The following SMG6 variants were observed in gnomAD, a reference collection of about 807,000 sequenced individuals.
The protein encoded by SMG6 is telomerase-binding protein EST1A.
A neutral mutation model predicts 142.2 loss-of-function variants in SMG6; 66 were observed. That is an observed-to-expected ratio of 0.46 (90% CI 0.38 to 0.57). The LOEUF is 0.57. Among genes scored for constraint, SMG6 ranks in the 20% least tolerant of loss-of-function variants. The pLI, the probability that SMG6 is intolerant of heterozygous loss-of-function variation, is 0.00. For missense variants in SMG6, 1,793 were observed against 1,832.0 expected (o/e 0.98, Z 0.39); for synonymous variants, 779 against 702.4 (o/e 1.11, Z -1.72).
chr17:2,207,117 C>CAAAA lies in SMG6; in HGVS notation c.2870-18606_2870-18603dup, dbSNP rs34276256. 2.9e-4 allele frequency among the ~76,000 whole-genome samples: 23 copies of CAAAA among 79,782 alleles called. 2 individuals carry two copies. The highest frequency in any genetic ancestry group is 2.9e-3 in the South Asian group (5 of 1,738). 52.3% of individuals were successfully genotyped at this position (79,782 alleles called of 152,430 possible). ...TGAAATCTTGTCTCTACTAAAAATCCAAAAAAAAAAAAAAAAAAAAAAATA... is the reference window on the plus strand; with the variant it reads ...TGAAATCTTGTCTCTACTAAAAATCCAAAAAAAAAAAAAAAAAAAAAAAAAAATA... On this transcript the variant is annotated intron_variant, in intron 10 of 18. Coordinates refer to ENST00000263073, the MANE Select transcript of SMG6 (RefSeq NM_017575.5).
intron 13 of SMG6, among the ~76,000 whole-genome samples, chr17:2,100,694 C>T (rs904688169): frequency 6.6e-6 from 1 of 152,110 alleles, no homozygotes; most frequent in Non-Finnish European, 1.5e-5. Flanking sequence ...CAGGCGCACA[C>T]CATCACATCC....
chr17:2,302,950 C>T lies in SMG6; in HGVS notation c.88+683G>A, dbSNP rs536633809. On this transcript the variant is annotated intron_variant, in intron 1 of 18. Transcript: ENST00000263073. Reference sequence around the variant, plus strand: ...AACCTAGAGAAGGCACCTATCACAGCTACCATTCTACACAACTCTATTGCC... The same window carrying T: ...AACCTAGAGAAGGCACCTATCACAGTTACCATTCTACACAACTCTATTGCC... 4.0e-4 allele frequency: 393 copies of T among 985,052 alleles called. 1 individual carries two copies. In the Middle Eastern group the frequency reaches 5.7e-3, roughly 14 times the overall value. The allele number at this position is 985,052 out of a possible 1,614,324, so 61.0% of individuals were successfully genotyped here. A position where few individuals can be genotyped will look rare whatever the true frequency, so the allele number is the denominator to read the frequency against.
At chr17:2,100,902 T>A (rs1055943037) in intron 13 of SMG6, among the ~76,000 whole-genome samples, 2 of 152,038 alleles carry the variant, frequency 1.3e-5, no homozygotes, top group Non-Finnish European at 2.9e-5. Context: ...TCCCCCTGCT[T>A]CAGCCTCCCA....
At chr17:2,262,290 G>C (rs9652824) in intron 8 of SMG6, among the ~76,000 whole-genome samples, 4,235 of 152,346 alleles carry the variant, frequency 0.028, 82 homozygotes, top group South Asian at 0.072. Context: ...TTTAGAGTGA[G>C]TCAACCTTTG....
intron 18 of SMG6, chr17:2,062,370 A>C (rs2067807092): frequency 6.6e-6 from 1 of 152,252 alleles, no homozygotes; most frequent in Non-Finnish European, 1.5e-5. Context: ...AGGCACATTT[A>C]CAAGTACATA....
intron 1 of SMG6, among the ~76,000 whole-genome samples, chr17:2,302,182 G>C (rs1020106606): frequency 1.3e-5 from 2 of 152,138 alleles, no homozygotes; most frequent in South Asian, 2.1e-4. Context: ...GAGCACAGGA[G>C]GGGGAGGCTA....
chr17:2,114,959 T>TAAAATAAAATAAAATAAA (rs1491429098), intron 13 of SMG6, among the ~76,000 whole-genome samples: 1,119 of 72,548 alleles, frequency 0.015, 38 homozygotes, highest in South Asian at 0.028. Context: ...AATAAAAAAA[T>TAAAATAAAATAAAATAAA]GAAATGAAAT....
intron 10 of SMG6, among the ~76,000 whole-genome samples, chr17:2,223,395 A>G (rs2073232038): frequency 1.3e-5 from 2 of 152,224 alleles, no homozygotes; most frequent in South Asian, 4.1e-4. Context: ...AGGGGACTAA[A>G]CAAGCCAGAA....
At chr17:2,273,831 T>C (rs559395786) in intron 8 of SMG6, among the ~76,000 whole-genome samples, 3 of 152,058 alleles carry the variant, frequency 2.0e-5, no homozygotes, top group Non-Finnish European at 2.9e-5. Flanking sequence ...AGGTTATATA[T>C]TGACCAGTTG....
chr17:2,238,874 A>T (rs2073735040), intron 9 of SMG6, among the ~76,000 whole-genome samples: 2 of 149,688 alleles, frequency 1.3e-5, no homozygotes, highest in African/African-American at 5.1e-5. Flanking sequence ...TGATTAAAAC[A>T]AAAGAAAAAA....
intron 13 of SMG6, among the ~76,000 whole-genome samples, chr17:2,102,093 T>TCGTG (rs1256469507): frequency 6.6e-6 from 1 of 152,200 alleles, no homozygotes; most frequent in East Asian, 1.9e-4. Flanking sequence ...AACGACAGTG[T>TCGTG]CGTGGCCTCC....
chr17:2,268,452 G>A (rs1423130201), intron 8 of SMG6, among the ~76,000 whole-genome samples: 1 of 152,158 alleles, frequency 6.6e-6, no homozygotes, highest in Non-Finnish European at 1.5e-5. Context: ...TACGCAAGGG[G>A]CACTGAAAAG....
At chr17:2,099,166 G>A (rs2068939335) in intron 13 of SMG6, among the ~76,000 whole-genome samples, 1 of 152,108 alleles carries the variant, frequency 6.6e-6, no homozygotes, top group South Asian at 2.1e-4. Context: ...CAATCCCAGA[G>A]GACATCACGG....
At chr17:2,073,570 G>A (rs1386514310) in intron 15 of SMG6, among the ~76,000 whole-genome samples, 6 of 151,564 alleles carry the variant, frequency 4.0e-5, no homozygotes, top group Admixed American at 1.3e-4. Context: ...TTAGCTGGAC[G>A]TGGTGGCTCA....
In SMG6 at chr17:2,287,196, G is replaced by A. The variant is rs138557528; in HGVS notation, c.2338-3461C>T. Among the ~76,000 whole-genome samples the A allele has an allele frequency of 1.8e-4, 27 of 152,290 alleles. No homozygotes were observed. The East Asian group carries it at 5.2e-3, about 29-fold the overall frequency. On this transcript the variant is annotated intron_variant, in intron 6 of 18. Transcript: ENST00000263073. ...GGCCTCCCAAAGTGCTGGGATTACAGGCGTGAGCCACTGGGCCCGGCTAAA... is the reference window on the plus strand; with the variant it reads ...GGCCTCCCAAAGTGCTGGGATTACAAGCGTGAGCCACTGGGCCCGGCTAAA...
chr17:2,254,242 A>C lies in SMG6; in HGVS notation c.2662-9523T>G, dbSNP rs544182168. On this transcript the variant is annotated intron_variant, in intron 8 of 18. Transcript: ENST00000263073. ...CGCTGTGTCTGCACTCCAGGAAGTGAGAGAGAAGAGGAAATGGCTGAAGCT... is the reference window on the plus strand; with the variant it reads ...CGCTGTGTCTGCACTCCAGGAAGTGCGAGAGAAGAGGAAATGGCTGAAGCT... Among the ~76,000 whole-genome samples, 10 of 152,358 alleles carry C rather than the reference A, an allele frequency of 6.6e-5. No homozygotes were observed. The South Asian group carries it at 2.1e-3, about 32-fold the overall frequency.
At chr17:2,137,184 A>T (rs1318397744) in intron 13 of SMG6, among the ~76,000 whole-genome samples, 1 of 152,056 alleles carries the variant, frequency 6.6e-6, no homozygotes, top group Non-Finnish European at 1.5e-5. Flanking sequence ...GGATCCAGCT[A>T]AAAGAAATGG....
chr17:2,082,733 C>A (rs1243780877), intron 14 of SMG6, among the ~76,000 whole-genome samples: 3 of 152,236 alleles, frequency 2.0e-5, no homozygotes, highest in Admixed American at 6.5e-5. Flanking sequence ...TGCTTTCTTA[C>A]TTTTGGCCTT....
chr17:2,268,116 G>C (rs560256259), intron 8 of SMG6, among the ~76,000 whole-genome samples: 1 of 152,090 alleles, frequency 6.6e-6, no homozygotes, highest in South Asian at 2.1e-4. Flanking sequence ...TGTTGCCTAG[G>C]CTGGTCTCCA....
Sources: allele counts gnomAD v4.1 joint callset (sites outside exome capture counted in the v4.1 genomes callset), GRCh38; gene constraint gnomAD v4.1.1; transcripts MANE v1.5; gene names NCBI Gene and HGNC (gene_info 2026-07-23, HGNC 2026-07-21).